Variants in IL1RAPL2 observed in about 807,000 individuals in gnomAD.
IL1RAPL2 encodes interleukin 1 receptor accessory protein like 2, also known as X-linked interleukin-1 receptor accessory protein-like 2.
A neutral mutation model predicts 44.1 loss-of-function variants in IL1RAPL2; 3 were observed. The ratio of observed to expected loss-of-function variants is 0.07; its 90% confidence interval spans 0.03 to 0.18. The LOEUF is 0.18. Ranked by LOEUF, IL1RAPL2 falls within the 10% of genes least tolerant of loss-of-function variation. IL1RAPL2 has a pLI of 1.00. For synonymous variants in IL1RAPL2, 181 were observed against 178.8 expected, an observed-to-expected ratio of 1.01 and a Z score of -0.10; for missense variants, 391 against 496.4, an observed-to-expected ratio of 0.79 and a Z score of 2.02.
intron 6 of IL1RAPL2, among the ~76,000 whole-genome samples, chrX:105,656,198 G>A (rs1332096417): frequency 1.8e-5 from 2 of 111,074 alleles, no homozygotes; most frequent in East Asian, 2.8e-4. Flanking sequence ...GGTTCTTGTC[G>A]GAATTGAAAT....
intron 5 of IL1RAPL2, among the ~76,000 whole-genome samples, chrX:105,465,512 CT>C (rs1405276006): frequency 8.9e-6 from 1 of 111,783 alleles, no homozygotes; most frequent in African/African-American, 3.2e-5. Flanking sequence ...TAAAGACAGA[CT>C]TGCTTTTACC....
At chrX:104,763,281 T>A (rs1932498266) in intron 2 of IL1RAPL2, among the ~76,000 whole-genome samples, 1 of 112,066 alleles carries the variant, frequency 8.9e-6, no homozygotes, top group African/African-American at 3.3e-5. Context: ...TGAGACCACC[T>A]CAGCCTGGAC....
chrX:105,111,251 T>C (rs1206233187), intron 2 of IL1RAPL2, among the ~76,000 whole-genome samples: 1 of 112,150 alleles, frequency 8.9e-6, no homozygotes, highest in African/African-American at 3.2e-5. Flanking sequence ...GTGGTTTTAA[T>C]AGGATGTAAT....
chrX:104,924,042 A>C (rs760680099), intron 2 of IL1RAPL2, among the ~76,000 whole-genome samples: 2 of 14,489 alleles, frequency 1.4e-4, no homozygotes, highest in African/African-American at 1.8e-4. Context: ...CTATAACAAT[A>C]GTAAAAAAAA....
At chrX:105,345,840 G>A (rs1388142314) in intron 5 of IL1RAPL2, among the ~76,000 whole-genome samples, 1 of 111,803 alleles carries the variant, frequency 8.9e-6, no homozygotes, top group Non-Finnish European at 1.9e-5. Context: ...GCCAGTCATT[G>A]CATAAGCACA....
In IL1RAPL2 at chrX:105,434,824, C is replaced by T. The variant is rs940816547; in HGVS notation, c.698-49489C>T. Among the ~76,000 whole-genome samples the T allele has an allele frequency of 2.7e-5, 3 of 111,820 alleles. No homozygotes were observed. In the East Asian group the frequency reaches 8.5e-4, roughly 32 times the overall value. ...TGAATGGTATTGCCTAGGTTTTCTT[C>T]TAGGGTTTTTATGGTTTTGGGTTTC... is the stretch of plus-strand genomic sequence containing the variant. On this transcript the variant is annotated intron_variant, in intron 5 of 10. Transcript: ENST00000372582.
intron 6 of IL1RAPL2, among the ~76,000 whole-genome samples, chrX:105,516,187 A>C (rs1376904880): frequency 8.9e-6 from 1 of 112,388 alleles, no homozygotes; most frequent in Non-Finnish European, 1.9e-5. Context: ...TTCCCCAGCC[A>C]ACCATGTTTT....
intron 6 of IL1RAPL2, among the ~76,000 whole-genome samples, chrX:105,571,726 A>G (rs1313589323): frequency 9.0e-6 from 1 of 111,504 alleles, no homozygotes; most frequent in Non-Finnish European, 1.9e-5. Context: ...TTCAAATGGA[A>G]TGTTACCTAA....
At chrX:104,890,679 T>C (rs982094209) in intron 2 of IL1RAPL2, among the ~76,000 whole-genome samples, 2 of 112,346 alleles carry the variant, frequency 1.8e-5, no homozygotes, top group African/African-American at 6.5e-5. Context: ...TTTGAGTTCT[T>C]TGTAAATTCT....
At chrX:105,195,844 A>ATT in intron 3 of IL1RAPL2, 96 bp downstream of exon 3, 1 of 876,983 alleles carries the variant, frequency 1.1e-6, no homozygotes, top group Non-Finnish European at 1.6e-6. Context: ...TGTATAATGG[A>ATT]TATGTTCTTG....
intron 5 of IL1RAPL2, among the ~76,000 whole-genome samples, chrX:105,322,700 C>T (rs1039922481): frequency 8.0e-5 from 9 of 111,875 alleles, no homozygotes; most frequent in African/African-American, 1.6e-4. Context: ...TTTAAGGTTT[C>T]GCCTCATTGG....
intron 2 of IL1RAPL2, among the ~76,000 whole-genome samples, chrX:104,684,533 G>A (rs996146764): frequency 2.7e-5 from 3 of 112,205 alleles, no homozygotes; most frequent in African/African-American, 9.7e-5. Context: ...AAGCTAGTTG[G>A]AGGCCTTGAT....
Position 105,585,233 on chromosome X carries a change from T to C in IL1RAPL2, c.772+100846T>C, listed in dbSNP as rs189694201. 2.7e-5 allele frequency among the ~76,000 whole-genome samples: 3 copies of C among 111,320 alleles called. No individual in the cohort carries two copies. In the East Asian group the frequency reaches 8.5e-4, roughly 31 times the overall value. ...TGTTTCTATTGATTGATTTTTCTTG[T>C]GGTTATGCTCATTTTTTTTACTTCT... On this transcript the variant is annotated intron_variant, in intron 6 of 10. Coordinates refer to ENST00000372582, the MANE Select transcript of IL1RAPL2 (RefSeq NM_017416.2).
intron 5 of IL1RAPL2, among the ~76,000 whole-genome samples, chrX:105,389,196 C>A (rs947626291): frequency 1.8e-5 from 2 of 111,688 alleles, no homozygotes; most frequent in African/African-American, 3.3e-5. Flanking sequence ...GTTTCTTTGA[C>A]ATAAAGTGGA....
chrX:104,570,339 C>G (rs1928122524), intron 1 of IL1RAPL2, among the ~76,000 whole-genome samples: 1 of 111,752 alleles, frequency 8.9e-6, no homozygotes, highest in South Asian at 3.8e-4. Flanking sequence ...AAATAAGCCT[C>G]TCATTATCTT....
intron 2 of IL1RAPL2, among the ~76,000 whole-genome samples, chrX:104,839,628 T>C (rs766131697): frequency 2.7e-5 from 3 of 112,036 alleles, no homozygotes; most frequent in Non-Finnish European, 5.6e-5. Context: ...GAGTCCCTCT[T>C]TTTCAATTGT....
intron 2 of IL1RAPL2, among the ~76,000 whole-genome samples, chrX:104,924,330 C>A (rs965967375): frequency 1.8e-5 from 2 of 111,738 alleles, no homozygotes; most frequent in African/African-American, 6.5e-5. Flanking sequence ...TGGACTTAAA[C>A]TGGACTCTTG....
At chrX:105,386,779 A>T (rs2035479418) in intron 5 of IL1RAPL2, among the ~76,000 whole-genome samples, 1 of 111,900 alleles carries the variant, frequency 8.9e-6, no homozygotes, top group Non-Finnish European at 1.9e-5. Flanking sequence ...TCCTAGCATG[A>T]CTAAATTTAA....
chrX:104,918,757 C>A (rs1449217566), intron 2 of IL1RAPL2, among the ~76,000 whole-genome samples: 1 of 111,756 alleles, frequency 8.9e-6, no homozygotes, highest in Non-Finnish European at 1.9e-5. Flanking sequence ...GAGGCAAAAT[C>A]TTAGTTGAGT....
Sources: gnomAD v4.1 joint callset for allele counts (sites outside exome capture counted in the v4.1 genomes callset) on GRCh38, gnomAD v4.1.1 for gene constraint, MANE v1.5 for transcripts, NCBI Gene and HGNC (gene_info 2026-07-23, HGNC 2026-07-21) for gene names.